The following WWC1 variants were observed in gnomAD, a reference collection of about 807,000 sequenced individuals.
The protein encoded by WWC1 is protein KIBRA.
Under a neutral mutation model 138.4 loss-of-function variants are expected in WWC1, and 55 were observed. That is an observed-to-expected ratio of 0.40 (90% CI 0.32 to 0.50). The LOEUF is 0.50. Among genes scored for constraint, WWC1 ranks in the 20% least tolerant of loss-of-function variants. The pLI, the probability that WWC1 is intolerant of heterozygous loss-of-function variation, is 0.72. For synonymous variants in WWC1, 524 were observed against 564.9 expected (o/e 0.93, Z 1.03); for missense variants, 1,226 against 1,420.4 (o/e 0.86, Z 2.20).
At chr5:168,336,347 G>T (rs1302577316) in intron 1 of WWC1, among the ~76,000 whole-genome samples, 1 of 152,082 alleles carries the variant, frequency 6.6e-6, no homozygotes, top group African/African-American at 2.4e-5. Context: ...GAGGCGGGTG[G>T]ATCACATGAG....
chr5:168,383,799 C>T (rs1047336274), intron 2 of WWC1, among the ~76,000 whole-genome samples: 1 of 152,230 alleles, frequency 6.6e-6, no homozygotes, highest in Non-Finnish European at 1.5e-5. Flanking sequence ...TCACCCCTAA[C>T]ACCACCCAAC....
At chr5:168,384,713 C>CTTTTTTTTTTTTTTTTTTTTTTTTTTT in intron 2 of WWC1, among the ~76,000 whole-genome samples, 1 of 99,638 alleles carries the variant, frequency 1.0e-5, no homozygotes, top group South Asian at 3.6e-4. Context: ...CTGGTTTATT[C>CTTTTTTTTTTTTTTTTTTTTTTTTTTT]TTTTTTTTTT....
intron 1 of WWC1, among the ~76,000 whole-genome samples, chr5:168,302,002 G>C (rs530563533): frequency 6.6e-6 from 1 of 152,312 alleles, no homozygotes; most frequent in African/African-American, 2.4e-5. Context: ...TCAGGGGCAA[G>C]CCCTTCTTTG....
chr5:168,333,420 G>A (rs998812703), intron 1 of WWC1, among the ~76,000 whole-genome samples: 5 of 152,124 alleles, frequency 3.3e-5, no homozygotes, highest in African/African-American at 4.8e-5. Flanking sequence ...ATCCTTGACC[G>A]TCTCTTCATA....
chr5:168,462,121 A>G (rs574121590), intron 20 of WWC1, among the ~76,000 whole-genome samples: 1 of 152,176 alleles, frequency 6.6e-6, no homozygotes, highest in Admixed American at 6.5e-5. Flanking sequence ...TGGAAAAGAT[A>G]GTGCCAATAG....
rs1269754337 is a variant in WWC1 at position 168,291,783 on chromosome 5, G to C, written c.-370G>C. The C allele has an allele frequency of 6.6e-6, 1 of 152,592 alleles. No individual in the cohort carries two copies. Among genetic ancestry groups the C allele is most frequent in the Non-Finnish European group, 1.5e-5 (1 of 68,504 alleles). 9.5% of individuals were successfully genotyped at this position (152,592 alleles called of 1,614,324 possible). A position where few individuals can be genotyped will look rare whatever the true frequency, so the allele number is the denominator to read the frequency against. On this transcript the variant is annotated 5_prime_UTR_variant, in exon 1 of 23. Coordinates refer to ENST00000265293, the MANE Select transcript of WWC1 (RefSeq NM_015238.3). ...TGCAGGGAGGAGGGAGGCGGCAGCG[G>C]CAGCGGCGGCGTGGAGGGCGCAGCG...
chr5:168,448,165 G>A (rs988977593), intron 17 of WWC1, among the ~76,000 whole-genome samples: 18 of 152,220 alleles, frequency 1.2e-4, no homozygotes, highest in South Asian at 2.1e-4. Context: ...CTGTAGTGGG[G>A]CAAACCATCT....
chr5:168,292,157 C>A lies in WWC1; in HGVS notation c.5C>A (p.Pro2His), dbSNP rs778763586. The A allele has an allele frequency of 1.2e-5, 18 of 1,540,104 alleles. 2 individuals are homozygous for A. The South Asian group carries it at 2.2e-4, about 19-fold the overall frequency. Reference sequence around the variant, plus strand: ...GCGCCGGCAGCGCTTGGGAAGATGCCCCGGCCGGAGCTGCCCCTGCCGGAG... The same window carrying A: ...GCGCCGGCAGCGCTTGGGAAGATGCACCGGCCGGAGCTGCCCCTGCCGGAG... Reference protein sequence around the residue: MPRPELPLPEGW... With the variant: MHRPELPLPEGW... Residue 2 changes from proline (P) to histidine (H), a missense_variant, in exon 1 of 23, where the codon CCC becomes CAC. Physicochemically the swap from Pro to His is moderately conservative, Grantham distance 77 (BLOSUM62 -2). Around this residue, in one of 3 missense-constraint regions of WWC1, gnomAD observed 1,016 missense variants for 1,153.9 expected, o/e 0.88. Transcript: ENST00000265293. This position sits in a 1 kb window ranked among gnomAD's most constrained non-coding sequence, Gnocchi z 4.4.
At position 168,451,757 on chromosome 5, in the gene WWC1, C is replaced by T. The variant is rs1051035736; in HGVS notation, c.2526-2211C>T. Among the ~76,000 whole-genome samples the T allele has an allele frequency of 1.4e-4, 21 of 152,214 alleles. No homozygotes were observed. The East Asian group carries it at 4.0e-3, about 29-fold the overall frequency. ...GAAGAAAATGCAAATTAAAACCCAACAAGATGCAAGTACACACCCAGTAGT... is the reference window on the plus strand; with the variant it reads ...GAAGAAAATGCAAATTAAAACCCAATAAGATGCAAGTACACACCCAGTAGT... On this transcript the variant is annotated intron_variant, in intron 17 of 22. Transcript: ENST00000265293.
At chr5:168,408,458 G>A in intron 6 of WWC1, 49 bp from the exon 7 acceptor site, 1 of 1,599,726 alleles carries the variant, frequency 6.3e-7, no homozygotes, top group Non-Finnish European at 8.5e-7. Flanking sequence ...CAGACCCAGA[G>A]CTCCCTCCTG....
chr5:168,361,824 G>A (rs1483290088), intron 1 of WWC1, among the ~76,000 whole-genome samples: 1 of 152,222 alleles, frequency 6.6e-6, no homozygotes, highest in African/African-American at 2.4e-5. Flanking sequence ...GCTCACGCCT[G>A]TAATCCCAGC....
At chr5:168,339,493 T>G (rs955577964) in intron 1 of WWC1, among the ~76,000 whole-genome samples, 1 of 152,186 alleles carries the variant, frequency 6.6e-6, no homozygotes, top group Non-Finnish European at 1.5e-5. Context: ...TTGTTGTATA[T>G]GTGGTGGCTC....
intron 3 of WWC1, among the ~76,000 whole-genome samples, chr5:168,386,755 G>A (rs911201798): frequency 1.3e-5 from 2 of 151,630 alleles, no homozygotes; most frequent in East Asian, 1.9e-4. Context: ...TCCACCTCCC[G>A]GGTTCCAGCA....
intron 1 of WWC1, among the ~76,000 whole-genome samples, chr5:168,357,088 C>T (rs553990316): frequency 3.2e-4 from 48 of 152,182 alleles, no homozygotes; most frequent in Non-Finnish European, 2.9e-5. Flanking sequence ...TCTTCAATCA[C>T]AAGTTTCTCT....
chr5:168,325,169 G>A (rs1226642197), intron 1 of WWC1, among the ~76,000 whole-genome samples: 1 of 152,188 alleles, frequency 6.6e-6, no homozygotes, highest in Non-Finnish European at 1.5e-5. Context: ...TGTCCTCCTT[G>A]TCCTCTGAGA....
At chr5:168,301,754 A>T (rs1389942059) in intron 1 of WWC1, among the ~76,000 whole-genome samples, 1 of 152,138 alleles carries the variant, frequency 6.6e-6, no homozygotes, top group African/African-American at 2.4e-5. Context: ...GACATCCAAC[A>T]TAGAAAGTCT....
At chr5:168,405,483 C>T (rs552799468) in intron 5 of WWC1, among the ~76,000 whole-genome samples, 3 of 152,176 alleles carry the variant, frequency 2.0e-5, no homozygotes, top group Admixed American at 6.5e-5. Context: ...GTCAAGTCAA[C>T]GATGCTACCG....
chr5:168,422,705 A>C (rs1027346854), intron 10 of WWC1, among the ~76,000 whole-genome samples: 1 of 152,220 alleles, frequency 6.6e-6, no homozygotes, highest in Non-Finnish European at 1.5e-5. Flanking sequence ...CTCCATGAAC[A>C]ACAGTGCATC....
In WWC1 at chr5:168,347,951, G is replaced by C. The variant is rs145463942; in HGVS notation, c.120-23473G>C. On this transcript the variant is annotated intron_variant, in intron 1 of 22. Transcript: ENST00000265293. ...AGATGGGCTGTGGGCTTATCAAGCT[G>C]GGATCTGCCCTGTTGGAAGGGTCAG... 5.3e-3 allele frequency among the ~76,000 whole-genome samples: 810 copies of C among 152,294 alleles called. 10 individuals are homozygous for C. The highest frequency in any genetic ancestry group is 0.018 in the African/African-American group (765 of 41,538).
Sources: allele counts gnomAD v4.1 joint callset (sites outside exome capture counted in the v4.1 genomes callset), GRCh38; gene constraint gnomAD v4.1.1; regional missense constraint gnomAD v4.1.1; non-coding constraint Gnocchi (gnomAD v3.1); transcripts MANE v1.5; gene names NCBI Gene and HGNC (gene_info 2026-07-23, HGNC 2026-07-21).